SNX29: variants seen among roughly 807,000 people sequenced by gnomAD.
The protein encoded by SNX29 is sorting nexin-29.
Under a neutral mutation model 102.1 loss-of-function variants are expected in SNX29, and 78 were observed. That is an observed-to-expected ratio of 0.76 (90% CI 0.64 to 0.92). The LOEUF is 0.92. Among genes scored for constraint, SNX29 ranks in the 40% least tolerant of loss-of-function variants. The probability of loss-of-function intolerance (pLI) is 0.00; values close to 1 mark genes in which losing one functional copy is unlikely to be tolerated. For synonymous variants in SNX29, 580 were observed against 414.5 expected (o/e 1.40, Z -4.85); for missense variants, 1,280 against 1,061.7 (o/e 1.21, Z -2.86).
At chr16:12,548,248 C>T (rs1030816153) in intron 20 of SNX29, among the ~76,000 whole-genome samples, 2 of 152,220 alleles carry the variant, frequency 1.3e-5, no homozygotes, top group African/African-American at 4.8e-5. Flanking sequence ...ACATTTCCTT[C>T]CTTCTGGCTC....
intron 8 of SNX29, among the ~76,000 whole-genome samples, chr16:12,059,116 C>G (rs1267372366): frequency 6.6e-6 from 1 of 152,116 alleles, no homozygotes; most frequent in African/African-American, 2.4e-5. Flanking sequence ...TTGGGGCTCA[C>G]TTCTCGGGTT....
intron 15 of SNX29, among the ~76,000 whole-genome samples, chr16:12,332,311 A>G (rs1218374188): frequency 2.0e-5 from 3 of 152,104 alleles, no homozygotes; most frequent in Non-Finnish European, 4.4e-5. Flanking sequence ...TCGTTGCCAA[A>G]TGGTTGCATC....
chr16:11,995,065 C>T (rs1415557807), intron 1 of SNX29, among the ~76,000 whole-genome samples: 1 of 152,110 alleles, frequency 6.6e-6, no homozygotes, highest in South Asian at 2.1e-4. Context: ...AAACCCCCTT[C>T]TCTCTTATTT....
intron 18 of SNX29, among the ~76,000 whole-genome samples, chr16:12,406,895 C>T (rs988706844): frequency 2.0e-5 from 3 of 152,130 alleles, no homozygotes; most frequent in South Asian, 2.1e-4. Context: ...GGCGACAGAG[C>T]GAGACTCTGT....
intron 20 of SNX29, among the ~76,000 whole-genome samples, chr16:12,537,918 G>C (rs1013014902): frequency 4.0e-5 from 6 of 150,822 alleles, no homozygotes; most frequent in Admixed American, 3.3e-4. Flanking sequence ...CCAGGAGGCA[G>C]AGGTTGCAGT....
intron 15 of SNX29, among the ~76,000 whole-genome samples, chr16:12,319,179 T>C (rs1415357502): frequency 6.6e-6 from 1 of 152,190 alleles, no homozygotes; most frequent in Non-Finnish European, 1.5e-5. Context: ...TCTCTCAGCT[T>C]TTAATATTTA....
intron 19 of SNX29, among the ~76,000 whole-genome samples, chr16:12,496,625 G>A (rs967453670): frequency 4.0e-5 from 6 of 149,814 alleles, no homozygotes; most frequent in Non-Finnish European, 8.8e-5. Context: ...GTTCTCCTGC[G>A]TCAGCCTCCA....
At chr16:11,985,371 G>C (rs967138150) in intron 1 of SNX29, among the ~76,000 whole-genome samples, 2 of 152,186 alleles carry the variant, frequency 1.3e-5, no homozygotes, top group African/African-American at 2.4e-5. Flanking sequence ...CTTTTCAGTG[G>C]AATGTGGCAG....
chr16:12,568,071 C>T (rs972212363), intron 20 of SNX29, among the ~76,000 whole-genome samples: 5 of 152,138 alleles, frequency 3.3e-5, no homozygotes, highest in Admixed American at 1.3e-4. Flanking sequence ...GGATTAATTC[C>T]ACAGGAAGTC....
chr16:12,317,666 A>C (rs914981252), intron 15 of SNX29, among the ~76,000 whole-genome samples: 10 of 152,358 alleles, frequency 6.6e-5, no homozygotes, highest in South Asian at 6.2e-4. Context: ...TCAGCTTCAC[A>C]GGGACTAAGT....
At chr16:12,008,238 C>T (rs958753221) in intron 3 of SNX29, among the ~76,000 whole-genome samples, 2 of 151,928 alleles carry the variant, frequency 1.3e-5, no homozygotes, top group African/African-American at 4.8e-5. Flanking sequence ...GCCACTGCGC[C>T]TGGCCTGCTT....
chr16:12,552,207 G>C (rs999715713), intron 20 of SNX29, among the ~76,000 whole-genome samples: 1 of 152,122 alleles, frequency 6.6e-6, no homozygotes, highest in East Asian at 1.9e-4. Flanking sequence ...GGCAGGGGAG[G>C]GCCGTGGAGT....
At chr16:12,467,615 C>CGTTCGTTTGTTCGTTT (rs879621612) in intron 18 of SNX29, among the ~76,000 whole-genome samples, 1 of 140,046 alleles carries the variant, frequency 7.1e-6, no homozygotes, top group East Asian at 2.0e-4. Flanking sequence ...TTCGTTTGTT[C>CGTTCGTTTGTTCGTTT]GTTCGTTAGT....
Position 12,466,064 on chromosome 16 carries a change from G to A in SNX29, c.2038-11655G>A, listed in dbSNP as rs149214909. 8.3e-4 allele frequency among the ~76,000 whole-genome samples: 126 copies of A among 152,264 alleles called. 1 individual carries two copies. Among genetic ancestry groups the A allele is most frequent in the African/African-American group, 2.8e-3 (117 of 41,558 alleles). On this transcript the variant is annotated intron_variant, in intron 18 of 20. Coordinates refer to ENST00000566228, the MANE Select transcript of SNX29 (RefSeq NM_032167.5). The stretch of plus-strand genomic sequence containing the variant: ...TACTCAACAGTGAAAAGCTGAAAGC[G>A]TTTGCTCTAGGATGAAGAACAAAAC...
intron 15 of SNX29, among the ~76,000 whole-genome samples, chr16:12,327,298 C>T (rs979573191): frequency 1.3e-5 from 2 of 151,990 alleles, no homozygotes; most frequent in African/African-American, 2.4e-5. Flanking sequence ...GATGGGCGTC[C>T]TGTAGTTTGA....
At chr16:12,368,009 G>A (rs1422164195) in intron 16 of SNX29, among the ~76,000 whole-genome samples, 2 of 152,208 alleles carry the variant, frequency 1.3e-5, no homozygotes, top group Non-Finnish European at 2.9e-5. Context: ...CCTGACCATG[G>A]CCAAATACCC....
chr16:12,117,294 C>T (rs967649710), intron 11 of SNX29, among the ~76,000 whole-genome samples: 1 of 146,484 alleles, frequency 6.8e-6, no homozygotes, highest in African/African-American at 2.5e-5. Context: ...GCGGACGAAC[C>T]GTGGAAACAG....
chr16:12,046,142 C>G (rs566931594), intron 5 of SNX29, among the ~76,000 whole-genome samples: 27 of 152,296 alleles, frequency 1.8e-4, no homozygotes, highest in Non-Finnish European at 3.2e-4. Context: ...CATATCATGT[C>G]TATTTTAGTA....
intron 7 of SNX29, among the ~76,000 whole-genome samples, 186 bp from the exon 8 acceptor site, chr16:12,051,661 T>A (rs895349139): frequency 6.6e-6 from 1 of 152,256 alleles, no homozygotes; most frequent in Non-Finnish European, 1.5e-5. Context: ...GGCAGAGGCC[T>A]GCGTCCATTC....
Sources: gnomAD v4.1 joint callset for allele counts (sites outside exome capture counted in the v4.1 genomes callset) on GRCh38, gnomAD v4.1.1 for gene constraint, MANE v1.5 for transcripts, NCBI Gene and HGNC (gene_info 2026-07-23, HGNC 2026-07-21) for gene names.